The following KHDRBS2 variants were observed in gnomAD, a reference collection of about 807,000 sequenced individuals.
KHDRBS2 encodes the protein KH RNA binding domain containing, signal transduction associated 2.
In KHDRBS2, 26 loss-of-function variants were observed where a neutral mutation model predicts 44.3. The ratio of observed to expected loss-of-function variants is 0.59; its 90% CI spans 0.43 to 0.81. KHDRBS2 has a LOEUF of 0.81. Among genes scored for constraint, KHDRBS2 ranks in the 40% least tolerant of loss-of-function variants. The pLI, the probability that KHDRBS2 is intolerant of heterozygous loss-of-function variation, is 0.00. For synonymous variants in KHDRBS2, 194 were observed against 151.1 expected, an observed-to-expected ratio of 1.28 and a Z score of -2.08; for missense variants, 476 against 433.1, an observed-to-expected ratio of 1.10 and a Z score of -0.88.
At chr6:62,256,472 TTA>T (rs1423293779) in intron 1 of KHDRBS2, among the ~76,000 whole-genome samples, 1 of 151,896 alleles carries the variant, frequency 6.6e-6, no homozygotes, top group Non-Finnish European at 1.5e-5. Context: ...TCTGATGGTT[TTA>T]TAAGGGGGAG....
the KHDRBS2 span, among the ~76,000 whole-genome samples, chr6:61,603,861 C>T: frequency 6.6e-6 from 1 of 152,108 alleles, no homozygotes; most frequent in Admixed American, 6.5e-5. Flanking sequence ...CTCTCTGATC[C>T]ACCTGACATA....
At chr6:61,666,649 G>A in the KHDRBS2 span, among the ~76,000 whole-genome samples, 1 of 151,404 alleles carries the variant, frequency 6.6e-6, no homozygotes, top group Non-Finnish European at 1.5e-5. Flanking sequence ...TGAAAATAGA[G>A]TAAGCCTAAG....
At chr6:61,590,542 G>T in the KHDRBS2 span, among the ~76,000 whole-genome samples, 1 of 152,094 alleles carries the variant, frequency 6.6e-6, no homozygotes, top group Non-Finnish European at 1.5e-5. Context: ...CATGTTATGG[G>T]ATCTAAGAAG....
chr6:61,701,786 T>C (rs1302103411), intron 7 of KHDRBS2, among the ~76,000 whole-genome samples: 2 of 152,052 alleles, frequency 1.3e-5, no homozygotes, highest in African/African-American at 2.4e-5. Flanking sequence ...CTGAGTCTTA[T>C]GTGTTTTCTT....
intron 1 of KHDRBS2, among the ~76,000 whole-genome samples, chr6:62,207,417 T>C (rs1156888238): frequency 6.6e-6 from 1 of 152,086 alleles, no homozygotes; most frequent in Non-Finnish European, 1.5e-5. Flanking sequence ...AGTTTAAGCT[T>C]ATAAACTGTA....
chr6:61,952,731 C>T (rs1197425340), intron 4 of KHDRBS2, among the ~76,000 whole-genome samples: 4 of 151,990 alleles, frequency 2.6e-5, no homozygotes, highest in Non-Finnish European at 5.9e-5. Flanking sequence ...ATTATCATAG[C>T]CTAATGTGTC....
chr6:61,577,005 G>A, the KHDRBS2 span, among the ~76,000 whole-genome samples: 2 of 152,048 alleles, frequency 1.3e-5, 1 homozygote, highest in East Asian at 3.9e-4. Context: ...TTTTCAGATG[G>A]GAGGATAAGT....
intron 4 of KHDRBS2, among the ~76,000 whole-genome samples, chr6:61,946,395 G>C (rs978175976): frequency 1.3e-5 from 2 of 152,176 alleles, no homozygotes; most frequent in African/African-American, 4.8e-5. Flanking sequence ...CATCCATGCT[G>C]CTGTCTTGCT....
At chr6:62,061,928 C>T (rs1792032347) in intron 2 of KHDRBS2, among the ~76,000 whole-genome samples, 2 of 151,850 alleles carry the variant, frequency 1.3e-5, no homozygotes, top group East Asian at 2.0e-4. Context: ...TTTATTTCAT[C>T]TTCCATCGCT....
At chr6:62,007,232 T>A in intron 3 of KHDRBS2, among the ~76,000 whole-genome samples, 1 of 152,086 alleles carries the variant, frequency 6.6e-6, no homozygotes, top group South Asian at 2.1e-4. Context: ...AAGCAGAAGT[T>A]CCATCTTCTG....
chr6:61,774,360 C>G (rs901020820), intron 6 of KHDRBS2, among the ~76,000 whole-genome samples: 15 of 151,922 alleles, frequency 9.9e-5, no homozygotes, highest in African/African-American at 3.6e-4. Flanking sequence ...AATCATGTCC[C>G]TGTTTGCCGA....
At chr6:61,894,957 CTGTG>C (rs370645859) in intron 5 of KHDRBS2, 124 bp from the exon 6 acceptor site, 14 of 539,298 alleles carry the variant, frequency 2.6e-5, no homozygotes, top group Admixed American at 7.1e-5. Context: ...CTCTCTCTCT[CTGTG>C]TGTGTGTGTG....
intron 4 of KHDRBS2, among the ~76,000 whole-genome samples, chr6:61,911,629 C>A (rs1432996715): frequency 3.2e-4 from 48 of 151,834 alleles, no homozygotes; most frequent in Admixed American, 3.2e-3. Flanking sequence ...GTGTTAAATT[C>A]TACATTTTTG....
At chr6:62,116,597 C>A (rs1185503601) in intron 2 of KHDRBS2, among the ~76,000 whole-genome samples, 1 of 152,054 alleles carries the variant, frequency 6.6e-6, no homozygotes, top group Non-Finnish European at 1.5e-5. Context: ...ATATTTATGT[C>A]TTTGTGTTGG....
chr6:62,073,837 TA>T (rs1795797997), intron 2 of KHDRBS2, among the ~76,000 whole-genome samples: 1 of 151,734 alleles, frequency 6.6e-6, no homozygotes, highest in African/African-American at 2.4e-5. Flanking sequence ...GTCAACAATC[TA>T]AATCATGTAT....
chr6:62,163,581 T>C (rs1818079508), intron 2 of KHDRBS2, among the ~76,000 whole-genome samples: 1 of 152,048 alleles, frequency 6.6e-6, no homozygotes, highest in African/African-American at 2.4e-5. Flanking sequence ...GAGAAATACA[T>C]CTGCTTTTCC....
rs555430400 is a variant in KHDRBS2, at chr6:61,984,381, G to A, written c.337-6169C>T. ...TGAAATTTCTAGCGAAGTTTCAGAT[G>A]GGAAAAATGTGGAGACCCATTTGGA... On this transcript the variant is annotated intron_variant, in intron 3 of 8. Transcript: ENST00000281156. 1.3e-4 allele frequency among the ~76,000 whole-genome samples: 20 copies of A among 152,144 alleles called. No individual in the cohort carries two copies. The South Asian group carries it at 3.3e-3, about 25-fold the overall frequency.
intron 2 of KHDRBS2, among the ~76,000 whole-genome samples, chr6:62,141,542 T>C (rs1812804118): frequency 6.6e-6 from 1 of 152,194 alleles, no homozygotes; most frequent in Admixed American, 6.5e-5. Context: ...ATTTTTCATC[T>C]GTTTACTGCA....
the KHDRBS2 span, among the ~76,000 whole-genome samples, chr6:61,551,279 T>A: frequency 6.6e-6 from 1 of 152,186 alleles, no homozygotes; most frequent in Non-Finnish European, 1.5e-5. Flanking sequence ...CTTTGTCAGA[T>A]GTATAGTCTG....
Sources: allele counts gnomAD v4.1 joint callset (sites outside exome capture counted in the v4.1 genomes callset), GRCh38; gene constraint gnomAD v4.1.1; transcripts MANE v1.5; gene names NCBI Gene and HGNC (gene_info 2026-07-23, HGNC 2026-07-21).